UBXN8: variants seen among roughly 807,000 people sequenced by gnomAD.
The protein encoded by UBXN8 is UBX domain protein 8.
In UBXN8, 27 loss-of-function variants were observed where a neutral mutation model predicts 32.1. The ratio of observed to expected loss-of-function variants is 0.84; its 90% CI spans 0.62 to 1.16. The LOEUF (loss-of-function observed/expected upper bound fraction) is 1.16. Among genes scored for constraint, UBXN8 ranks in the 50% most tolerant of loss-of-function variants. The pLI is 0.00. For synonymous variants in UBXN8, 109 were observed against 111.8 expected (o/e 0.98, Z 0.16); for missense variants, 306 against 311.4 (o/e 0.98, Z 0.13).
chr8:30,762,164 A>G (rs1398997367), intron 6 of UBXN8, among the ~76,000 whole-genome samples: 3 of 151,424 alleles, frequency 2.0e-5, no homozygotes, highest in Non-Finnish European at 2.9e-5. Context: ...CTCAGGCTCA[A>G]GTGATCCTCC....
upstream of UBXN8, among the ~76,000 whole-genome samples, chr8:30,730,218 C>G (rs2956000): frequency 6.6e-6 from 1 of 151,868 alleles, no homozygotes; most frequent in Non-Finnish European, 1.5e-5. Context: ...GATACAAATG[C>G]CCTTGAGAGA....
chr8:30,731,558 G>T (rs185677307), upstream of UBXN8, among the ~76,000 whole-genome samples: 1 of 152,120 alleles, frequency 6.6e-6, no homozygotes. Context: ...AAAGTTACCC[G>T]GAACGGGAGT....
At chr8:30,750,908 T>C (rs1805505300) in intron 1 of UBXN8, among the ~76,000 whole-genome samples, 1 of 152,186 alleles carries the variant, frequency 6.6e-6, no homozygotes, top group Non-Finnish European at 1.5e-5. Context: ...TTCCCCGTCG[T>C]TAGTCCATAA....
At chr8:30,732,185 C>T (rs1804973608), upstream of UBXN8, 1 of 355,874 alleles carries the variant, frequency 2.8e-6, no homozygotes, top group South Asian at 1.5e-4. Flanking sequence ...GAGGCATTGG[C>T]TCGAGACCTC....
At position 30,735,204 on chromosome 8, in the gene UBXN8, G is replaced by A. The variant is rs191514078; in HGVS notation, c.622+1896G>A. Among the ~76,000 whole-genome samples the A allele has an allele frequency of 2.0e-3, 311 of 152,180 alleles. 4 individuals are homozygous for A. The highest frequency in any genetic ancestry group is 0.019 in the Admixed American group (288 of 15,268). On this transcript the variant is annotated intron_variant, in intron 1 of 1. Coordinates refer to the UBXN8 transcript ENST00000522968. ...GACTTGTGGATGTTTTGCTAGGATC[G>A]TCAAATAAAAATTCTGTAACGATAA...
intron 1 of UBXN8, among the ~76,000 whole-genome samples, chr8:30,737,745 G>A (rs1043002026): frequency 1.3e-5 from 2 of 152,108 alleles, no homozygotes; most frequent in African/African-American, 4.8e-5. Context: ...CTACTCAGGC[G>A]GCTGAGGTGG....
At chr8:30,740,226 C>T (rs1016311756), upstream of UBXN8, among the ~76,000 whole-genome samples, 13 of 151,466 alleles carry the variant, frequency 8.6e-5, no homozygotes, top group Admixed American at 5.3e-4. Context: ...TTAGGTTGCA[C>T]TGGGTATGCA....
intron 6 of UBXN8, among the ~76,000 whole-genome samples, chr8:30,762,894 G>C (rs1160386464): frequency 1.3e-5 from 2 of 150,260 alleles, no homozygotes; most frequent in South Asian, 4.2e-4. Context: ...TTTTTAAACA[G>C]AGTCTTGCTG....
upstream of UBXN8, among the ~76,000 whole-genome samples, chr8:30,743,824 C>T (rs1375416200): frequency 6.6e-6 from 1 of 152,190 alleles, no homozygotes; most frequent in Non-Finnish European, 1.5e-5. Context: ...CAGGCTGCCT[C>T]CTCACAGCAT....
chr8:30,763,221 G>T (rs2128756850), intron 6 of UBXN8, 52 bp from the exon 7 acceptor site: 1 of 1,555,168 alleles, frequency 6.4e-7, no homozygotes, highest in East Asian at 2.2e-5. Flanking sequence ...GGAATGAAAG[G>T]AATTGCAAAG....
At chr8:30,745,129 G>C (rs774879884) in intron 1 of UBXN8, among the ~76,000 whole-genome samples, 69 of 152,350 alleles carry the variant, frequency 4.5e-4, no homozygotes, top group South Asian at 1.0e-3. Context: ...TATGGTGGAA[G>C]CAGTGAGGCA....
upstream of UBXN8, among the ~76,000 whole-genome samples, chr8:30,739,819 G>A (rs1169282361): frequency 6.6e-6 from 1 of 152,198 alleles, no homozygotes; most frequent in South Asian, 2.1e-4. Context: ...AGTACATTTT[G>A]TATAATTTAC....
intron 5 of UBXN8, among the ~76,000 whole-genome samples, chr8:30,760,223 T>TG (rs34473075): frequency 1 from 147,273 of 147,794 alleles, 73,379 homozygotes; most frequent in Middle Eastern, 1. Context: ...CCATCATGCC[T>TG]GATAATTTTT....
chr8:30,729,588 T>G (rs1804902495), upstream of UBXN8, among the ~76,000 whole-genome samples: 1 of 152,186 alleles, frequency 6.6e-6, no homozygotes, highest in Non-Finnish European at 1.5e-5. Context: ...TTTTGTGGTG[T>G]GCGTTTGGTG....
intron 6 of UBXN8, among the ~76,000 whole-genome samples, chr8:30,761,698 C>T (rs535686940): frequency 2.6e-4 from 40 of 151,448 alleles, no homozygotes; most frequent in African/African-American, 2.4e-4. Context: ...CATAGTGAGA[C>T]GCTGTCGCTA....
At chr8:30,746,261 C>A (rs1805354773) in intron 1 of UBXN8, among the ~76,000 whole-genome samples, 1 of 151,834 alleles carries the variant, frequency 6.6e-6, no homozygotes, top group Admixed American at 6.6e-5. Context: ...TGGATTGTTT[C>A]CTCTTTTCAG....
At chr8:30,741,612 A>T (rs953894771), upstream of UBXN8, among the ~76,000 whole-genome samples, 1 of 151,788 alleles carries the variant, frequency 6.6e-6, no homozygotes, top group African/African-American at 2.4e-5. Flanking sequence ...CCACCATGCC[A>T]GGCTAATTTT....
At chr8:30,760,444 T>TATATATATATATATATATA (rs60534482) in intron 5 of UBXN8, among the ~76,000 whole-genome samples, 1 of 67,012 alleles carries the variant, frequency 1.5e-5, no homozygotes, top group African/African-American at 6.2e-5. Flanking sequence ...TATATATATA[T>TATATATATATATATATATA]TTTTTTTTTT....
intron 6 of UBXN8, among the ~76,000 whole-genome samples, chr8:30,762,140 T>C (rs374510579): frequency 4.0e-5 from 6 of 150,896 alleles, no homozygotes; most frequent in East Asian, 1.9e-4. Flanking sequence ...CATAGCTGAC[T>C]GCATCTTCAA....
Sources: gnomAD v4.1 joint callset for allele counts (sites outside exome capture counted in the v4.1 genomes callset) on GRCh38, gnomAD v4.1.1 for gene constraint, MANE v1.5 for transcripts, NCBI Gene and HGNC (gene_info 2026-07-23, HGNC 2026-07-21) for gene names.